Variants in GOLGA4 observed in about 807,000 individuals in gnomAD.
The protein encoded by GOLGA4 is golgin A4.
In GOLGA4, 169 loss-of-function variants were observed where a neutral mutation model predicts 265.9. That is an observed-to-expected ratio of 0.64 (90% CI 0.56 to 0.72). The LOEUF (loss-of-function observed/expected upper bound fraction) is 0.72, where lower values mean the gene tolerates loss of function less well. Among genes scored for constraint, GOLGA4 ranks in the 30% least tolerant of loss-of-function variants. The pLI is 0.00. For missense variants in GOLGA4, 2,482 were observed against 2,483.4 expected, an observed-to-expected ratio of 1.00 and a Z score of 0.01; for synonymous variants, 923 against 855.8, an observed-to-expected ratio of 1.08 and a Z score of -1.37.
chr3:37,364,597 T>C (rs1696601872), intron 23 of GOLGA4, among the ~76,000 whole-genome samples: 1 of 151,142 alleles, frequency 6.6e-6, no homozygotes, highest in African/African-American at 2.4e-5. Flanking sequence ...CATAGCTTTT[T>C]TTTTTTTTTT....
chr3:37,331,239 G>A (rs79940452), intron 16 of GOLGA4, among the ~76,000 whole-genome samples: 2,126 of 152,084 alleles, frequency 0.014, 45 homozygotes, highest in African/African-American at 0.046. Context: ...GAAATTCACT[G>A]TGTTTTTTAC....
chr3:37,359,843 G>T (rs181226048), intron 22 of GOLGA4, among the ~76,000 whole-genome samples: 1 of 152,148 alleles, frequency 6.6e-6, no homozygotes, highest in African/African-American at 2.4e-5. Context: ...TGCATGCAAG[G>T]TGGGTTCAGG....
At chr3:37,363,229 G>A (rs1418257843) in intron 23 of GOLGA4, among the ~76,000 whole-genome samples, 3 of 152,070 alleles carry the variant, frequency 2.0e-5, no homozygotes, top group Non-Finnish European at 2.9e-5. Flanking sequence ...TACAATGCAT[G>A]GTTTTATTAG....
intron 10 of GOLGA4, among the ~76,000 whole-genome samples, chr3:37,304,504 G>T (rs79995671): frequency 0.014 from 2,122 of 152,246 alleles, 60 homozygotes; most frequent in African/African-American, 0.048. Context: ...GGTTCAACAG[G>T]TTTGCTTTCA....
intron 10 of GOLGA4, among the ~76,000 whole-genome samples, chr3:37,306,671 AATT>A (rs1350928207): frequency 6.6e-6 from 1 of 152,076 alleles, no homozygotes; most frequent in Non-Finnish European, 1.5e-5. Flanking sequence ...AATTTTTTTT[AATT>A]ATTGTAATAA....
intron 1 of GOLGA4, among the ~76,000 whole-genome samples, chr3:37,247,008 CAA>C (rs1454927385): frequency 6.6e-6 from 1 of 152,098 alleles, no homozygotes; most frequent in Non-Finnish European, 1.5e-5. Flanking sequence ...ATTGTAAATC[CAA>C]GTTTACTAAA....
At chr3:37,298,373 C>T (rs2150853559) in intron 7 of GOLGA4, among the ~76,000 whole-genome samples, 1 of 152,186 alleles carries the variant, frequency 6.6e-6, no homozygotes, top group East Asian at 1.9e-4. Context: ...TGAGTCACTT[C>T]CTGGGTGGGA....
intron 2 of GOLGA4, among the ~76,000 whole-genome samples, chr3:37,257,953 G>GTA (rs1338642408): frequency 2.1e-5 from 2 of 93,150 alleles, no homozygotes; most frequent in African/African-American, 5.4e-5. Flanking sequence ...ATATATGTAT[G>GTA]TATATATGTA....
At chr3:37,260,274 A>C (rs906201644) in intron 2 of GOLGA4, among the ~76,000 whole-genome samples, 2 of 152,138 alleles carry the variant, frequency 1.3e-5, no homozygotes, top group African/African-American at 4.8e-5. Flanking sequence ...TAATTGACCC[A>C]AAATCATAAG....
chr3:37,247,394 G>C (rs2096722458), intron 1 of GOLGA4, among the ~76,000 whole-genome samples: 1 of 152,206 alleles, frequency 6.6e-6, no homozygotes, highest in Non-Finnish European at 1.5e-5. Context: ...ATGGAGTTGA[G>C]AGACAAGTAC....
At chr3:37,255,817 A>G (rs1560276155) in intron 2 of GOLGA4, among the ~76,000 whole-genome samples, 1 of 151,322 alleles carries the variant, frequency 6.6e-6, no homozygotes, top group Non-Finnish European at 1.5e-5. Flanking sequence ...TAGTGGCACA[A>G]TCTCAGCACT....
chr3:37,326,870 A>G lies in GOLGA4; in HGVS notation c.4984A>G (p.Lys1662Glu). The change falls in exon 14 of 24, where the codon AAA becomes GAA. Residue 1662 changes from lysine to glutamate, a missense_variant. Lys to Glu is a moderately conservative substitution (Grantham distance 56, BLOSUM62 1). Around this residue, in one of 3 missense-constraint regions of GOLGA4, gnomAD observed 942 missense variants for 983.1 expected, o/e 0.96. Coordinates refer to ENST00000361924, the MANE Select transcript of GOLGA4 (RefSeq NM_002078.5). ...KKQLLSQMEE[K>E]EEQYKKGTES... The stretch of plus-strand genomic sequence containing the variant: ...GCAGTTGTTATCTCAAATGGAAGAG[A>G]AAGAAGAACAGTATAAAAAAGGTAC... The G allele has an allele frequency of 6.2e-7, 1 of 1,613,586 alleles. No homozygotes were observed. Among genetic ancestry groups the G allele is most frequent in the Non-Finnish European group, 8.5e-7 (1 of 1,179,776 alleles).
Position 37,269,885 on chromosome 3 carries a change from CTTTTTTTTTTTTT to C in GOLGA4, c.163-12059_163-12047del, listed in dbSNP as rs763272448. Among the ~76,000 whole-genome samples, 66 of 79,054 alleles carry C rather than the reference CTTTTTTTTTTTTT, an allele frequency of 8.3e-4. 1 individual carries two copies. In the South Asian group the frequency reaches 0.021, roughly 25 times the overall value. The allele number at this position is 79,054 out of a possible 152,430, so 51.9% of individuals were successfully genotyped here. A position where few individuals can be genotyped will look rare whatever the true frequency, so the allele number is the denominator to read the frequency against. On this transcript the variant is annotated intron_variant, in intron 2 of 23. Coordinates refer to ENST00000361924, the MANE Select transcript of GOLGA4 (RefSeq NM_002078.5). The stretch of plus-strand genomic sequence containing the variant: ...GATATTTCAAACAATTGTAGGGTAG[CTTTTTTTTTTTTT>C]TTTTTTTTTTTTTGAGGCAGAGTCT...
chr3:37,334,767 G>T (rs1465018102), intron 16 of GOLGA4, among the ~76,000 whole-genome samples: 1 of 152,018 alleles, frequency 6.6e-6, no homozygotes, highest in Non-Finnish European at 1.5e-5. Flanking sequence ...GAGCTTTTTG[G>T]GATGAGGAGA....
intron 2 of GOLGA4, among the ~76,000 whole-genome samples, chr3:37,256,532 T>G (rs1221078358): frequency 3.3e-5 from 5 of 150,428 alleles, no homozygotes; most frequent in Non-Finnish European, 7.4e-5. Context: ...CAGAGGAGAG[T>G]AGACTGAATT....
rs371781867 is a variant in GOLGA4 at position 37,363,925 on chromosome 3, C to T, written c.*34-2155C>T. ...AACTGATCTTGAATTTTGTTTCCCA[C>T]AACAGATCAAGCTACGGTTTCAAAA... On this transcript the variant is annotated intron_variant, in intron 23 of 23. Coordinates refer to ENST00000361924, the MANE Select transcript of GOLGA4 (RefSeq NM_002078.5). Among the ~76,000 whole-genome samples the T allele has an allele frequency of 1.3e-3, 201 of 152,226 alleles. 8 individuals are homozygous for T. The South Asian group carries it at 0.041, about 31-fold the overall frequency.
chr3:37,259,572 A>T (rs2096763725), intron 2 of GOLGA4, among the ~76,000 whole-genome samples: 1 of 152,076 alleles, frequency 6.6e-6, no homozygotes, highest in African/African-American at 2.4e-5. Context: ...CCCCTCTGTC[A>T]GTCTAGCTAA....
At chr3:37,311,177 G>A (rs1037305808) in intron 10 of GOLGA4, among the ~76,000 whole-genome samples, 5 of 152,084 alleles carry the variant, frequency 3.3e-5, no homozygotes, top group Admixed American at 6.6e-5. Flanking sequence ...AGTGTTGGAG[G>A]CAGATTTCCT....
Position 37,335,177 on chromosome 3 carries a change from T to C in GOLGA4, c.6306+11T>C. ...CCTGGCAATGATAATGTGAGAGGAG[T>C]TTGAGTTTGCTGCACATGTTTCTTG... On this transcript the variant is annotated intron_variant, in intron 17 of 23. Coordinates refer to ENST00000361924, the MANE Select transcript of GOLGA4 (RefSeq NM_002078.5). 1 of 1,378,044 alleles carries C rather than the reference T, an allele frequency of 7.3e-7. No individual in the cohort carries two copies. Among genetic ancestry groups the C allele is most frequent in the Non-Finnish European group, 1.0e-6 (1 of 973,702 alleles). 85.4% of individuals were successfully genotyped at this position (1,378,044 alleles called of 1,614,324 possible). A position where few individuals can be genotyped will look rare whatever the true frequency, so the allele number is the denominator to read the frequency against.
Sources: gnomAD v4.1 joint callset for allele counts (sites outside exome capture counted in the v4.1 genomes callset) on GRCh38, gnomAD v4.1.1 for gene constraint, gnomAD v4.1.1 regional missense constraint, MANE v1.5 for transcripts, NCBI Gene and HGNC (gene_info 2026-07-23, HGNC 2026-07-21) for gene names.